The following NXN variants were observed in gnomAD, a reference collection of about 807,000 sequenced individuals.
The protein encoded by NXN is nucleoredoxin.
A neutral mutation model predicts 48.6 loss-of-function variants in NXN; 16 were observed. That is an observed-to-expected ratio of 0.33 (90% CI 0.22 to 0.50). The LOEUF (loss-of-function observed/expected upper bound fraction) is 0.50, where lower values mean the gene tolerates loss of function less well. Ranked by LOEUF, NXN falls within the 20% of genes least tolerant of loss-of-function variation. The pLI is 0.98. For missense variants in NXN, 492 were observed against 605.5 expected (o/e 0.81, Z 1.97); for synonymous variants, 281 against 269.6 (o/e 1.04, Z -0.41).
At chr17:823,937 C>A (rs536077314) in intron 2 of NXN, among the ~76,000 whole-genome samples, 172 bp from the exon 3 acceptor site, 1 of 152,090 alleles carries the variant, frequency 6.6e-6, no homozygotes, top group Non-Finnish European at 1.5e-5. Context: ...ACACCTACAG[C>A]GTCTGCAGCT....
chr17:908,732 C>T (rs1408245705), intron 1 of NXN, among the ~76,000 whole-genome samples: 1 of 152,156 alleles, frequency 6.6e-6, no homozygotes, highest in Non-Finnish European at 1.5e-5. Context: ...TTCAAGACTA[C>T]AGGTGCCATT....
intron 1 of NXN, among the ~76,000 whole-genome samples, chr17:911,662 T>A: frequency 6.6e-6 from 1 of 151,676 alleles, no homozygotes; most frequent in East Asian, 1.9e-4. Flanking sequence ...TGAGGTTTCT[T>A]TCACCCTGTT....
intron 1 of NXN, among the ~76,000 whole-genome samples, chr17:948,702 T>C (rs1019853491): frequency 6.6e-6 from 1 of 151,822 alleles, no homozygotes; most frequent in Non-Finnish European, 1.5e-5. Context: ...ACGCGGGGCC[T>C]CACCCCGGCC....
At chr17:947,909 G>T (rs1782456291) in intron 1 of NXN, among the ~76,000 whole-genome samples, 1 of 148,484 alleles carries the variant, frequency 6.7e-6, no homozygotes, top group African/African-American at 2.5e-5. Flanking sequence ...AAATTAGCTG[G>T]ATGTGGCAGC....
chr17:895,984 G>A (rs1003612690), intron 1 of NXN, among the ~76,000 whole-genome samples: 1 of 151,818 alleles, frequency 6.6e-6, no homozygotes, highest in African/African-American at 2.4e-5. Flanking sequence ...GAGGTGGGGA[G>A]GATTGTTTGA....
intron 1 of NXN, among the ~76,000 whole-genome samples, chr17:868,760 G>C (rs1413257594): frequency 2.0e-5 from 3 of 152,160 alleles, no homozygotes; most frequent in Non-Finnish European, 4.4e-5. Context: ...CCAAAGTGCT[G>C]GGATGACAGG....
chr17:836,795 T>C (rs1255936978), intron 1 of NXN, among the ~76,000 whole-genome samples: 3 of 152,130 alleles, frequency 2.0e-5, no homozygotes, highest in African/African-American at 7.2e-5. Context: ...AAATAAGTGT[T>C]AGTTGCTTTA....
intron 1 of NXN, among the ~76,000 whole-genome samples, chr17:964,193 ACAGT>A (rs1350181828): frequency 6.6e-6 from 1 of 152,228 alleles, no homozygotes; most frequent in Non-Finnish European, 1.5e-5. Context: ...TCTAATGTAA[ACAGT>A]CAGCAGGAAA....
Position 979,707 on chromosome 17 carries a change from C to A in NXN, c.-29G>T. 1 of 1,365,424 alleles carries A rather than the reference C, an allele frequency of 7.3e-7. No individual in the cohort carries two copies. The highest frequency in any genetic ancestry group is 3.1e-5 in the Admixed American group (1 of 32,222). The allele number at this position is 1,365,424 out of a possible 1,614,324, so 84.6% of individuals were successfully genotyped here. A position where few individuals can be genotyped will look rare whatever the true frequency, so the allele number is the denominator to read the frequency against. On this transcript the variant is annotated 5_prime_UTR_variant, in exon 1 of 8. Coordinates refer to ENST00000336868, the MANE Select transcript of NXN (RefSeq NM_022463.5). ...GGCCCACCGCAGGGCGGGCAGGCGG[C>A]TGCGACCCCGCTCCACGGTCCGCGC...
chr17:855,048 G>T (rs1052236243), intron 1 of NXN, among the ~76,000 whole-genome samples: 1 of 152,028 alleles, frequency 6.6e-6, no homozygotes, highest in East Asian at 1.9e-4. Context: ...AGGCCAAGGC[G>T]GGAGGGTCAA....
chr17:864,149 T>C, intron 1 of NXN: 3 of 1,470,384 alleles, frequency 2.0e-6, no homozygotes, highest in Admixed American at 2.1e-5. Context: ...ACGTTCACCG[T>C]TGCTCGGTTC....
intron 1 of NXN, among the ~76,000 whole-genome samples, chr17:931,490 C>A (rs981676672): frequency 6.6e-5 from 10 of 151,402 alleles, no homozygotes; most frequent in African/African-American, 2.2e-4. Flanking sequence ...ATATAATAAG[C>A]CTATGTATAC....
rs758567710 is a variant in NXN at position 825,998 on chromosome 17, G to A, written c.441C>T (p.Cys147=). The A allele has an allele frequency of 1.9e-6, 3 of 1,613,672 alleles. No homozygotes were observed. The highest frequency in any genetic ancestry group is 2.2e-5 in the South Asian group (2 of 91,074). The change falls in exon 2 of 8, where the codon TGC becomes TGT. Residue 147 remains cysteine (C), a synonymous_variant. Transcript: ENST00000336868. The surrounding 1 kb of genome is among the most constrained non-coding windows in gnomAD (Gnocchi z 4.1). The part of the protein sequence containing the change: ...FLDATTGKVV[C]RNGLLVIRDD... ...CTCGGATCACCAGCAGCCCGTTCCT[G>A]CACACAACCTTCCCAGTGGTGGCGT...
chr17:979,746 G>C lies in NXN; in HGVS notation c.-68C>G. 1.6e-6 allele frequency: 2 copies of C among 1,219,152 alleles called. No homozygotes were observed. The highest frequency in any genetic ancestry group is 1.6e-5 in the African/African-American group (1 of 62,306). 75.5% of individuals were successfully genotyped at this position (1,219,152 alleles called of 1,614,324 possible). The stretch of plus-strand genomic sequence containing the variant: ...CACGGTCCGCGCGGCGGGAGGAGGC[G>C]GCGGCGTCGGCGGCAGGCGCTGGGG... On this transcript the variant is annotated 5_prime_UTR_variant, in exon 1 of 8. Transcript: ENST00000336868.
intron 1 of NXN, among the ~76,000 whole-genome samples, chr17:955,625 G>A (rs996220689): frequency 6.0e-5 from 9 of 150,722 alleles, no homozygotes; most frequent in South Asian, 4.2e-4. Flanking sequence ...GGCCGGACGC[G>A]GTGGCTCACG....
intron 1 of NXN, among the ~76,000 whole-genome samples, chr17:960,858 T>C (rs1171088692): frequency 2.0e-5 from 3 of 147,342 alleles, no homozygotes; most frequent in South Asian, 2.1e-4. Context: ...CAATCTCGGC[T>C]CACTGCAAGC....
At chr17:960,265 A>G (rs538702255) in intron 1 of NXN, among the ~76,000 whole-genome samples, 2 of 152,344 alleles carry the variant, frequency 1.3e-5, no homozygotes, top group South Asian at 4.1e-4. Flanking sequence ...GGTATCATGT[A>G]TAATTTGGGA....
intron 1 of NXN, among the ~76,000 whole-genome samples, chr17:903,023 G>A (rs945247812): frequency 2.7e-5 from 4 of 150,780 alleles, no homozygotes; most frequent in Admixed American, 1.3e-4. Flanking sequence ...CGCCCACCTC[G>A]GCCTCCCAAA....
chr17:937,185 T>C (rs887151051), intron 1 of NXN, among the ~76,000 whole-genome samples: 1 of 152,030 alleles, frequency 6.6e-6, no homozygotes, highest in Non-Finnish European at 1.5e-5. Flanking sequence ...GGTTTCATCA[T>C]GTTGGCCGGG....
Sources: allele counts gnomAD v4.1 joint callset (sites outside exome capture counted in the v4.1 genomes callset), GRCh38; gene constraint gnomAD v4.1.1; non-coding constraint Gnocchi (gnomAD v3.1); transcripts MANE v1.5; gene names NCBI Gene and HGNC (gene_info 2026-07-23, HGNC 2026-07-21).